RAB3GAP2: variants seen among roughly 807,000 people sequenced by gnomAD.
RAB3GAP2 encodes the protein RAB3 GTPase activating non-catalytic protein subunit 2, also known as rab3 GTPase-activating protein non-catalytic subunit.
In RAB3GAP2, 87 loss-of-function variants were observed where a neutral mutation model predicts 185.3. The observed-to-expected ratio is 0.47, with a 90% confidence interval of 0.39 to 0.56. The LOEUF (loss-of-function observed/expected upper bound fraction) is 0.56. RAB3GAP2 is among the 20% of genes least tolerant of loss of function. RAB3GAP2 has a pLI of 0.00. For synonymous variants in RAB3GAP2, 554 were observed against 576.1 expected, an observed-to-expected ratio of 0.96 and a Z score of 0.55; for missense variants, 1,492 against 1,638.2, an observed-to-expected ratio of 0.91 and a Z score of 1.54.
At chr1:220,266,539 G>C (rs1660229554) in intron 1 of RAB3GAP2, 2 of 666,068 alleles carry the variant, frequency 3.0e-6, no homozygotes, top group Admixed American at 4.3e-5. Flanking sequence ...TTGATGTGGA[G>C]CTTTCTGAGT....
At chr1:220,194,960 A>C in intron 12 of RAB3GAP2, 118 bp downstream of exon 12, 1 of 1,010,532 alleles carries the variant, frequency 9.9e-7, no homozygotes, top group Non-Finnish European at 1.6e-6. Flanking sequence ...ATTCCACTGT[A>C]ATGGCTTTCA....
intron 2 of RAB3GAP2, among the ~76,000 whole-genome samples, chr1:220,222,030 C>T (rs1659315666): frequency 1.3e-5 from 2 of 152,138 alleles, no homozygotes; most frequent in African/African-American, 4.8e-5. Context: ...TTAGTGGTAC[C>T]AGTAAGATCC....
At chr1:220,214,946 T>TTATATGTATATATATATA (rs1553279016) in intron 2 of RAB3GAP2, among the ~76,000 whole-genome samples, 25 of 89,626 alleles carry the variant, frequency 2.8e-4, no homozygotes, top group African/African-American at 1.1e-3. Context: ...AATAGTAGCA[T>TTATATGTATATATATATA]TATATATATA....
chr1:220,188,538 C>T (rs1410695710), intron 17 of RAB3GAP2, among the ~76,000 whole-genome samples: 5 of 152,154 alleles, frequency 3.3e-5, no homozygotes, highest in Non-Finnish European at 5.9e-5. Flanking sequence ...AAGTAAAGGT[C>T]TGGCAATACC....
Position 220,164,814 on chromosome 1 carries a change from G to GA in RAB3GAP2, c.3088-16dup, listed in dbSNP as rs1295079340. ...AAACGTGCTTCCTTACATACAGGGA[G>GA]AAAAAAACGAGAAAGAAAAAGAGGT... On this transcript the variant is annotated splice_polypyrimidine_tract_variant and intron_variant, in intron 26 of 34. Transcript: ENST00000358951. 1.1e-5 allele frequency: 17 copies of GA among 1,600,406 alleles called. No individual in the cohort carries two copies. The highest frequency in any genetic ancestry group is 1.7e-5 in the Admixed American group (1 of 58,984).
intron 27 of RAB3GAP2, 120 bp from the exon 28 acceptor site, chr1:220,162,388 T>A (rs1657979817): frequency 1.5e-6 from 1 of 680,886 alleles, no homozygotes; most frequent in Admixed American, 2.7e-5. Context: ...ATTTTTTATA[T>A]CTCATGTAAT....
At chr1:220,175,224 C>G (rs1157930072) in intron 21 of RAB3GAP2, among the ~76,000 whole-genome samples, 1 of 151,734 alleles carries the variant, frequency 6.6e-6, no homozygotes, top group Non-Finnish European at 1.5e-5. Flanking sequence ...GATTTCTTTT[C>G]TTTTCTTTTC....
intron 2 of RAB3GAP2, among the ~76,000 whole-genome samples, chr1:220,214,738 G>A (rs914397077): frequency 5.9e-5 from 9 of 151,392 alleles, no homozygotes; most frequent in South Asian, 2.1e-4. Context: ...TTCATTAGAC[G>A]TTTATGTATT....
intron 1 of RAB3GAP2, among the ~76,000 whole-genome samples, chr1:220,270,106 C>A (rs542706355): frequency 2.6e-5 from 4 of 152,200 alleles, no homozygotes; most frequent in African/African-American, 9.7e-5. Context: ...ATTTTTCTAT[C>A]CTTTTCTTAC....
intron 26 of RAB3GAP2, among the ~76,000 whole-genome samples, chr1:220,166,623 C>G (rs943798836): frequency 2.0e-5 from 3 of 152,204 alleles, no homozygotes; most frequent in Non-Finnish European, 4.4e-5. Flanking sequence ...GGGTCTTCCC[C>G]ATATGCTGCT....
intron 2 of RAB3GAP2, among the ~76,000 whole-genome samples, chr1:220,220,017 T>C (rs74490010): frequency 0.071 from 10,805 of 152,292 alleles, 499 homozygotes; most frequent in South Asian, 0.12. Context: ...CCACAGTCTC[T>C]AACACTGCCC....
At chr1:220,271,979 G>A (rs1387508475) in intron 1 of RAB3GAP2, among the ~76,000 whole-genome samples, 1 of 152,044 alleles carries the variant, frequency 6.6e-6, no homozygotes, top group African/African-American at 2.4e-5. Flanking sequence ...GAGGAAACAA[G>A]ACGCAGTTTT....
intron 26 of RAB3GAP2, among the ~76,000 whole-genome samples, chr1:220,166,912 G>A (rs1407187600): frequency 6.6e-6 from 1 of 152,158 alleles, no homozygotes; most frequent in Non-Finnish European, 1.5e-5. Context: ...TTTCATGCAG[G>A]AATTCAGAAG....
In RAB3GAP2 at chr1:220,206,018, A is replaced by T; in HGVS notation, c.613-12T>A. On this transcript the variant is annotated splice_polypyrimidine_tract_variant and intron_variant, in intron 7 of 34. Transcript: ENST00000358951. The stretch of plus-strand genomic sequence containing the variant: ...CTCAACTCTTCATTCTATTTAAGAA[A>T]TAAAAAAAAAAAGTTCTTGAATAGA... 1 of 1,515,800 alleles carries T rather than the reference A, an allele frequency of 6.6e-7. No individual in the cohort carries two copies. Among genetic ancestry groups the T allele is most frequent in the Non-Finnish European group, 9.0e-7 (1 of 1,105,288 alleles). 93.9% of individuals were successfully genotyped at this position (1,515,800 alleles called of 1,614,324 possible). A position where few individuals can be genotyped will look rare whatever the true frequency, so the allele number is the denominator to read the frequency against.
At chr1:220,192,599 G>A (rs1423495599) in intron 13 of RAB3GAP2, among the ~76,000 whole-genome samples, 1 of 152,176 alleles carries the variant, frequency 6.6e-6, no homozygotes, top group Non-Finnish European at 1.5e-5. Flanking sequence ...GGACTTCGGG[G>A]AATATCTTCA....
intron 28 of RAB3GAP2, 102 bp from the exon 29 acceptor site, chr1:220,159,523 TGG>T (rs1328038801): frequency 4.6e-6 from 4 of 877,506 alleles, no homozygotes; most frequent in Middle Eastern, 3.4e-4. Flanking sequence ...AAACCGTAAA[TGG>T]CGCTATAAGT....
At chr1:220,175,842 C>T (rs537365319) in intron 21 of RAB3GAP2, among the ~76,000 whole-genome samples, 15 of 152,300 alleles carry the variant, frequency 9.8e-5, no homozygotes, top group Non-Finnish European at 1.5e-4. Flanking sequence ...CAGGTAGTCT[C>T]TGTTTATAAC....
At chr1:220,258,155 G>A (rs2102529434) in intron 1 of RAB3GAP2, among the ~76,000 whole-genome samples, 1 of 152,222 alleles carries the variant, frequency 6.6e-6, no homozygotes, top group East Asian at 1.9e-4. Context: ...AATTCTTCCA[G>A]AGGTACAAAG....
chr1:220,225,662 A>G (rs970806684), intron 2 of RAB3GAP2, among the ~76,000 whole-genome samples: 4 of 152,142 alleles, frequency 2.6e-5, no homozygotes, highest in African/African-American at 9.6e-5. Context: ...GTAGAGAGGA[A>G]GATCTTCAGC....
Sources: gnomAD v4.1 joint callset for allele counts (sites outside exome capture counted in the v4.1 genomes callset) on GRCh38, gnomAD v4.1.1 for gene constraint, MANE v1.5 for transcripts, NCBI Gene and HGNC (gene_info 2026-07-23, HGNC 2026-07-21) for gene names.